The following NUMB variants were observed in gnomAD, a reference collection of about 807,000 sequenced individuals.
NUMB encodes the protein NUMB endocytic adaptor protein.
NUMB carries 29 observed loss-of-function variants against 59.7 expected under a neutral mutation model. The observed-to-expected ratio is 0.49, with a 90% CI of 0.36 to 0.66. The LOEUF is 0.66. Ranked by LOEUF, NUMB falls within the 30% of genes least tolerant of loss-of-function variation. The pLI is 0.00. For missense variants in NUMB, 723 were observed against 822.0 expected (o/e 0.88, Z 1.47); for synonymous variants, 288 against 288.2 (o/e 1.00, Z 0.01).
At chr14:73,299,669 TACA>T (rs1213693361) in intron 6 of NUMB, among the ~76,000 whole-genome samples, 3 of 151,842 alleles carry the variant, frequency 2.0e-5, no homozygotes, top group Non-Finnish European at 4.4e-5. Context: ...AGGATCGTGA[TACA>T]GAAGTAGAAG....
At chr14:73,333,392 T>C (rs1356687278) in intron 4 of NUMB, among the ~76,000 whole-genome samples, 1 of 152,074 alleles carries the variant, frequency 6.6e-6, no homozygotes, top group Non-Finnish European at 1.5e-5. Flanking sequence ...TAGGTAAATT[T>C]CTTTTTTTTT....
intron 1 of NUMB, among the ~76,000 whole-genome samples, chr14:73,440,408 A>G (rs1006839579): frequency 1.3e-5 from 2 of 152,078 alleles, no homozygotes; most frequent in African/African-American, 4.8e-5. Flanking sequence ...CAACTCTATA[A>G]AACTCTTAGA....
At chr14:73,337,211 T>A (rs1215729121) in intron 4 of NUMB, among the ~76,000 whole-genome samples, 1 of 151,344 alleles carries the variant, frequency 6.6e-6, no homozygotes, top group Non-Finnish European at 1.5e-5. Flanking sequence ...TTCATAGTTT[T>A]AAAAATATAT....
intron 2 of NUMB, among the ~76,000 whole-genome samples, chr14:73,379,009 C>T (rs528520680): frequency 6.6e-6 from 1 of 152,152 alleles, no homozygotes; most frequent in Non-Finnish European, 1.5e-5. Flanking sequence ...TTGCTGTGAA[C>T]CTAAAACTCC....
intron 1 of NUMB, among the ~76,000 whole-genome samples, chr14:73,446,921 G>A (rs1883553161): frequency 6.6e-6 from 1 of 152,130 alleles, no homozygotes; most frequent in Admixed American, 6.5e-5. Flanking sequence ...GGGCGCAGTG[G>A]CTCACGCCTG....
At chr14:73,439,202 A>G (rs1431723736) in intron 1 of NUMB, among the ~76,000 whole-genome samples, 1 of 152,186 alleles carries the variant, frequency 6.6e-6, no homozygotes, top group Non-Finnish European at 1.5e-5. Flanking sequence ...CAGCAACCTG[A>G]TTTCCTAGGA....
chr14:73,331,951 G>A (rs1278361752), intron 4 of NUMB, among the ~76,000 whole-genome samples: 14 of 152,128 alleles, frequency 9.2e-5, no homozygotes, highest in African/African-American at 2.2e-4. Context: ...TACCCCAGCC[G>A]TATTACTATC....
intron 2 of NUMB, among the ~76,000 whole-genome samples, chr14:73,408,729 T>G (rs951398506): frequency 2.0e-5 from 3 of 151,838 alleles, no homozygotes; most frequent in Admixed American, 2.0e-4. Context: ...AATACAAAAT[T>G]AGCCGGGTGT....
chr14:73,351,702 C>A (rs1191369953), intron 4 of NUMB, among the ~76,000 whole-genome samples: 1 of 152,020 alleles, frequency 6.6e-6, no homozygotes, highest in Admixed American at 6.6e-5. Flanking sequence ...AGGGGCCAGG[C>A]GCGGTGGCTC....
chr14:73,373,612 G>T (rs1385212633), intron 2 of NUMB, among the ~76,000 whole-genome samples: 1 of 151,622 alleles, frequency 6.6e-6, no homozygotes, highest in Non-Finnish European at 1.5e-5. Flanking sequence ...TTTTGAACAA[G>T]GTAAAGGAGT....
intron 1 of NUMB, among the ~76,000 whole-genome samples, chr14:73,416,647 C>T (rs993025247): frequency 7.9e-5 from 12 of 152,076 alleles, no homozygotes; most frequent in African/African-American, 2.9e-4. Context: ...ACTAGACCAG[C>T]TTGGCCAATG....
At chr14:73,409,637 G>GGTACC (rs2140132087) in intron 2 of NUMB, 1 of 152,256 alleles carries the variant, frequency 6.6e-6, no homozygotes, top group South Asian at 2.1e-4. Context: ...CTAAGTTTGA[G>GGTACC]GTACTTTGTT....
chr14:73,441,255 A>G, intron 1 of NUMB, among the ~76,000 whole-genome samples: 1 of 152,134 alleles, frequency 6.6e-6, no homozygotes, highest in East Asian at 1.9e-4. Flanking sequence ...CAAAACCACA[A>G]TTAATTTCTA....
chr14:73,428,625 C>T (rs1471548306), intron 1 of NUMB, among the ~76,000 whole-genome samples: 2 of 152,042 alleles, frequency 1.3e-5, no homozygotes, highest in Non-Finnish European at 2.9e-5. Flanking sequence ...GACTTTGCCT[C>T]TAAAAAAAAT....
At chr14:73,329,432 A>G (rs1175586600) in intron 4 of NUMB, among the ~76,000 whole-genome samples, 2 of 152,142 alleles carry the variant, frequency 1.3e-5, no homozygotes, top group African/African-American at 2.4e-5. Flanking sequence ...AATTCATCTG[A>G]AATTTCAGCT....
rs1395149899 is a variant in NUMB at position 73,282,447 on chromosome 14, A to G, written c.1008T>C (p.Asn336=). 3 of 1,614,194 alleles carry G rather than the reference A, an allele frequency of 1.9e-6. No individual in the cohort carries two copies. Among genetic ancestry groups the G allele is most frequent in the South Asian group, 1.1e-5 (1 of 91,084 alleles). ...AGGGGTCCTCAGGTGTGCTGAAGGC[A>G]TTGGTGATCTGTGAGCACAGGGAGC... ...SISSLCSQIT[N]AFSTPEDPFS... Residue 336 remains asparagine, a synonymous_variant, in exon 11 of 13, where the codon AAT becomes AAC. Coordinates refer to ENST00000555238, the MANE Select transcript of NUMB (RefSeq NM_001005743.2).
Position 73,284,155 on chromosome 14 carries a change from CGTTTAAAGG to C in NUMB, c.866_874del (p.Pro289_Lys291del). The C allele has an allele frequency of 6.2e-7, 1 of 1,614,092 alleles. No homozygotes were observed. ...CTCATTGATGCGTAGGGATAGTTGG[CGTTTAAAGG>C]GTGACATCTTCTGGCTAAGAGCAGG... On this transcript the variant is annotated inframe_deletion, in exon 10 of 13. Transcript: ENST00000555238.
In NUMB at chr14:73,313,668, G is replaced by GAAAAAAAAAAAAAAAAA. The variant is rs10582204; in HGVS notation, c.234+2705_234+2721dup. ...TATATATGCAAATATTCCAAAATCT[G>GAAAAAAAAAAAAAAAAA]AAAAAAAAAAAAAAAAATCCAAAAT... On this transcript the variant is annotated intron_variant, in intron 6 of 12. Transcript: ENST00000555238. 3.0e-3 allele frequency among the ~76,000 whole-genome samples: 371 copies of GAAAAAAAAAAAAAAAAA among 123,988 alleles called. 6 individuals carry two copies. The highest frequency in any genetic ancestry group is 0.022 in the South Asian group (76 of 3,476). The allele number at this position is 123,988 out of a possible 152,430, so 81.3% of individuals were successfully genotyped here.
At chr14:73,387,183 A>T (rs1443479340) in intron 2 of NUMB, among the ~76,000 whole-genome samples, 1 of 152,058 alleles carries the variant, frequency 6.6e-6, no homozygotes, top group Non-Finnish European at 1.5e-5. Flanking sequence ...CGCCCGGCCT[A>T]TCAGGTGTCT....
Sources: allele counts gnomAD v4.1 joint callset (sites outside exome capture counted in the v4.1 genomes callset), GRCh38; gene constraint gnomAD v4.1.1; transcripts MANE v1.5; gene names NCBI Gene and HGNC (gene_info 2026-07-23, HGNC 2026-07-21).